TYW1: variants seen among roughly 807,000 people sequenced by gnomAD.
TYW1 encodes the protein tRNA-yW synthesizing protein 1 homolog.
In TYW1, 46 loss-of-function variants were observed where a neutral mutation model predicts 96.2. That is an observed-to-expected ratio of 0.48 (90% CI 0.38 to 0.61). TYW1 has a LOEUF of 0.61. Among genes scored for constraint, TYW1 ranks in the 20% least tolerant of loss-of-function variants. The pLI, the probability that TYW1 is intolerant of heterozygous loss-of-function variation, is 0.00. For synonymous variants in TYW1, 274 were observed against 323.0 expected (o/e 0.85, Z 1.63); for missense variants, 684 against 909.6 (o/e 0.75, Z 3.19).
chr7:67,179,757 C>T (rs1799777367), intron 13 of TYW1, among the ~76,000 whole-genome samples: 1 of 144,650 alleles, frequency 6.9e-6, no homozygotes. Flanking sequence ...CATCATGGCT[C>T]TCCATGTAGA....
At chr7:67,059,654 T>G (rs990141696) in intron 9 of TYW1, among the ~76,000 whole-genome samples, 5 of 150,060 alleles carry the variant, frequency 3.3e-5, no homozygotes, top group South Asian at 2.2e-4. Context: ...TGGTCTTCCC[T>G]GCTTCTGTTT....
intron 15 of TYW1, among the ~76,000 whole-genome samples, chr7:67,217,846 C>CTTTT (rs57748332): frequency 5.8e-5 from 4 of 69,258 alleles, no homozygotes; most frequent in Non-Finnish European, 8.1e-5. Flanking sequence ...GTGTTGATGT[C>CTTTT]TTTTTTTTTT....
At chr7:67,144,239 T>A (rs1798534945) in intron 13 of TYW1, among the ~76,000 whole-genome samples, 1 of 152,166 alleles carries the variant, frequency 6.6e-6, no homozygotes. Context: ...AAGGTCAGCC[T>A]TGAGTAAATT....
intron 11 of TYW1, among the ~76,000 whole-genome samples, chr7:67,092,486 C>G (rs530160438): frequency 6.6e-6 from 1 of 152,098 alleles, no homozygotes; most frequent in Admixed American, 6.6e-5. Flanking sequence ...GTCTTTTCTC[C>G]GACTGGAATG....
At chr7:67,061,551 A>G (rs539134067) in intron 9 of TYW1, among the ~76,000 whole-genome samples, 1 of 152,170 alleles carries the variant, frequency 6.6e-6, no homozygotes, top group South Asian at 2.1e-4. Flanking sequence ...CCAGGAAGTG[A>G]CCATTTTTAC....
rs143864858 is a variant in TYW1, at chr7:67,033,505, T to C, written c.984+8483T>C. Among the ~76,000 whole-genome samples the C allele has an allele frequency of 2.6e-3, 401 of 152,302 alleles. 1 individual carries two copies. Among genetic ancestry groups the C allele is most frequent in the African/African-American group, 9.3e-3 (385 of 41,580 alleles). On this transcript the variant is annotated intron_variant, in intron 7 of 15. Transcript: ENST00000359626. ...AGGGCGGGGGATACAGAGCAACTTCTTTGAGAGGCTGGATTGGCAGTTTTC... is the reference window on the plus strand; with the variant it reads ...AGGGCGGGGGATACAGAGCAACTTCCTTGAGAGGCTGGATTGGCAGTTTTC...
chr7:67,059,893 C>T (rs1344354838), intron 9 of TYW1, among the ~76,000 whole-genome samples: 1 of 151,636 alleles, frequency 6.6e-6, no homozygotes, highest in African/African-American at 2.4e-5. Flanking sequence ...CTGCCTCAGC[C>T]TCCTGAGTAG....
intron 13 of TYW1, among the ~76,000 whole-genome samples, chr7:67,127,159 CTT>C (rs201670664): frequency 3.1e-5 from 4 of 129,728 alleles, no homozygotes; most frequent in Admixed American, 7.8e-5. Flanking sequence ...ATAAAATAAT[CTT>C]TTTTTTTTTT....
chr7:67,193,396 G>A (rs1800282083), intron 14 of TYW1, among the ~76,000 whole-genome samples: 1 of 152,204 alleles, frequency 6.6e-6, no homozygotes, highest in Non-Finnish European at 1.5e-5. Context: ...CAAAGCTCAT[G>A]TGAGTCTTCA....
intron 14 of TYW1, among the ~76,000 whole-genome samples, chr7:67,187,190 A>G (rs913746940): frequency 6.6e-6 from 1 of 151,840 alleles, no homozygotes; most frequent in Non-Finnish European, 1.5e-5. Flanking sequence ...CTGCCACCCA[A>G]ATAGCTGGGA....
chr7:67,130,069 G>T (rs921592747), intron 13 of TYW1, among the ~76,000 whole-genome samples: 17 of 151,580 alleles, frequency 1.1e-4, no homozygotes, highest in Non-Finnish European at 2.4e-4. Context: ...TGTTAACAGA[G>T]TGTCATATCT....
At chr7:67,155,703 C>T (rs538059387) in intron 13 of TYW1, among the ~76,000 whole-genome samples, 14 of 152,218 alleles carry the variant, frequency 9.2e-5, no homozygotes, top group Admixed American at 8.5e-4. Context: ...GGATTATAGG[C>T]GTGAGCCACT....
intron 12 of TYW1, among the ~76,000 whole-genome samples, chr7:67,103,029 G>A (rs1295309141): frequency 6.6e-6 from 1 of 152,152 alleles, no homozygotes; most frequent in Non-Finnish European, 1.5e-5. Context: ...GGCAAATTGT[G>A]TTGCATTTTT....
At chr7:67,167,506 AAG>A (rs1195000921) in intron 13 of TYW1, among the ~76,000 whole-genome samples, 1 of 150,034 alleles carries the variant, frequency 6.7e-6, no homozygotes, top group Non-Finnish European at 1.5e-5. Context: ...GAAAGTCATG[AAG>A]AGAGTTTCTT....
chr7:67,186,288 C>CCG (rs1800021122), intron 14 of TYW1, among the ~76,000 whole-genome samples: 1 of 103,190 alleles, frequency 9.7e-6, no homozygotes, highest in Non-Finnish European at 1.9e-5. Context: ...ACCTCTCCCC[C>CCG]CTCCTTTCTT....
intron 4 of TYW1, among the ~76,000 whole-genome samples, chr7:67,010,063 A>G (rs546234556): frequency 1.3e-5 from 2 of 151,180 alleles, no homozygotes; most frequent in South Asian, 2.1e-4. Flanking sequence ...GTTCAGTGCA[A>G]TGTCCGTCTC....
chr7:67,056,864 T>G (rs1363440677), intron 9 of TYW1, among the ~76,000 whole-genome samples: 2 of 152,188 alleles, frequency 1.3e-5, no homozygotes, highest in African/African-American at 4.8e-5. Context: ...GAAACTGTTG[T>G]CAGTGTGGTT....
At chr7:67,129,974 A>G (rs1271607708) in intron 13 of TYW1, among the ~76,000 whole-genome samples, 3 of 152,138 alleles carry the variant, frequency 2.0e-5, no homozygotes, top group Non-Finnish European at 4.4e-5. Flanking sequence ...TTGATAAGCT[A>G]TCATTACTAC....
At chr7:67,138,477 A>G (rs1211629480) in intron 13 of TYW1, among the ~76,000 whole-genome samples, 1 of 152,150 alleles carries the variant, frequency 6.6e-6, no homozygotes, top group Non-Finnish European at 1.5e-5. Context: ...GTTACAAACA[A>G]TCCAATTATA....
Sources: allele counts gnomAD v4.1 joint callset (sites outside exome capture counted in the v4.1 genomes callset), GRCh38; gene constraint gnomAD v4.1.1; transcripts MANE v1.5; gene names NCBI Gene and HGNC (gene_info 2026-07-23, HGNC 2026-07-21).